Variants in CSNK1A1 observed in about 807,000 individuals in gnomAD.
CSNK1A1 encodes the protein casein kinase I isoform alpha.
CSNK1A1 carries 7 observed loss-of-function variants against 46.1 expected under a neutral mutation model. The observed-to-expected ratio is 0.15, with a 90% CI of 0.09 to 0.29. The LOEUF is 0.29. Ranked by LOEUF, CSNK1A1 falls within the 10% of genes least tolerant of loss-of-function variation. CSNK1A1 has a pLI of 1.00. For missense variants in CSNK1A1, 96 were observed against 417.1 expected (o/e 0.23, Z 6.71); for synonymous variants, 137 against 141.5 (o/e 0.97, Z 0.23).
intron 2 of CSNK1A1, among the ~76,000 whole-genome samples, chr5:149,543,534 T>TAA (rs1270180673): frequency 6.6e-6 from 1 of 152,086 alleles, no homozygotes; most frequent in Non-Finnish European, 1.5e-5. Flanking sequence ...TAATATATCT[T>TAA]AATGAAGACA....
intron 6 of CSNK1A1, 45 bp downstream of exon 6, chr5:149,511,749 T>C (rs745403913): frequency 1.5e-6 from 2 of 1,298,052 alleles, no homozygotes; most frequent in South Asian, 1.3e-5. Flanking sequence ...ATATTTTTAT[T>C]CTAAAAAAGA....
At chr5:149,547,553 G>A (rs1439463730) in intron 2 of CSNK1A1, among the ~76,000 whole-genome samples, 1 of 152,098 alleles carries the variant, frequency 6.6e-6, no homozygotes, top group Non-Finnish European at 1.5e-5. Context: ...TATGTTAAGT[G>A]AAAAGTGCCA....
In CSNK1A1 at chr5:149,507,061, T is replaced by C. The variant is rs1181536978; in HGVS notation, c.823A>G (p.Met275Val). 1 of 1,613,870 alleles carries C rather than the reference T, an allele frequency of 6.2e-7. No individual in the cohort carries two copies. The change falls in exon 8 of 10, where the codon ATG becomes GTG. Residue 275 changes from methionine (M) to valine (V), a missense_variant. By Grantham distance (21) the Met-to-Val change is conservative. Coordinates refer to ENST00000377843, the MANE Select transcript of CSNK1A1 (RefSeq NM_001892.6). Reference sequence around the variant, plus strand: ...ATGCGGAATAGCTGCCTCAGATACATGTAATCTGGGGCTTCCTCAAAGCGT... The same window carrying C: ...ATGCGGAATAGCTGCCTCAGATACACGTAATCTGGGGCTTCCTCAAAGCGT... ...GLRFEEAPDY[M>V]YLRQLFRILF...
chr5:149,514,299 G>A (rs1256230971), intron 4 of CSNK1A1, among the ~76,000 whole-genome samples: 2 of 152,096 alleles, frequency 1.3e-5, no homozygotes, highest in Non-Finnish European at 2.9e-5. Context: ...TGTAATTCAA[G>A]TTTACACTCC....
intron 9 of CSNK1A1, chr5:149,504,821 G>C (rs994884115): frequency 3.3e-5 from 33 of 985,212 alleles, no homozygotes; most frequent in Middle Eastern, 1.0e-3. Flanking sequence ...GCAAATAAAA[G>C]AATTATTTTT....
rs370458356 is a variant in CSNK1A1, at chr5:149,509,924, C to T, written c.705G>A (p.Lys235=). 1.4e-5 allele frequency: 22 copies of T among 1,610,222 alleles called. No homozygotes were observed. The highest frequency in any genetic ancestry group is 1.7e-5 in the Non-Finnish European group (20 of 1,177,912). Residue 235 remains lysine (K), a synonymous_variant, in exon 7 of 10, where the codon AAG becomes AAA. Transcript: ENST00000377843. The stretch of plus-strand genomic sequence containing the variant: ...GCGTGGACATCTTCTTTTCACTAAT[C>T]TTTTCATATTTTTGTTTCTTTGTTG... ...KAATKKQKYE[K]ISEKKMSTPV...
intron 9 of CSNK1A1, chr5:149,498,043 A>G (rs898990573): frequency 2.4e-6 from 2 of 828,908 alleles, no homozygotes; most frequent in Non-Finnish European, 2.9e-6. Flanking sequence ...TGTGTTGGCC[A>G]GGCTGGTCTC....
chr5:149,536,818 T>C (rs906598687), intron 2 of CSNK1A1, among the ~76,000 whole-genome samples: 3 of 152,148 alleles, frequency 2.0e-5, no homozygotes, highest in Non-Finnish European at 2.9e-5. Flanking sequence ...GGTTTAAGAA[T>C]GGGAAGCTGG....
chr5:149,547,342 A>G (rs981656803), intron 2 of CSNK1A1, among the ~76,000 whole-genome samples: 2 of 152,252 alleles, frequency 1.3e-5, no homozygotes, highest in Non-Finnish European at 2.9e-5. Flanking sequence ...GTGCTTATTC[A>G]GTACATTACT....
chr5:149,501,730 C>T (rs1760863046), intron 9 of CSNK1A1: 1 of 985,382 alleles, frequency 1.0e-6, no homozygotes, highest in Non-Finnish European at 1.2e-6. Flanking sequence ...TTCTCCCCCA[C>T]CTCTGCCTGC....
intron 3 of CSNK1A1, 69 bp downstream of exon 3, chr5:149,524,976 T>A: frequency 7.1e-7 from 1 of 1,406,140 alleles, no homozygotes; most frequent in Non-Finnish European, 9.6e-7. Flanking sequence ...AATACTCTGA[T>A]TTATGAATAA....
At chr5:149,537,357 C>A (rs1003842800) in intron 2 of CSNK1A1, among the ~76,000 whole-genome samples, 4 of 152,196 alleles carry the variant, frequency 2.6e-5, no homozygotes, top group African/African-American at 9.7e-5. Context: ...GCCTGAGCGA[C>A]AGAGTGAGAC....
In CSNK1A1 at chr5:149,516,284, TCTACACTCC is replaced by T. The variant is rs1389360867; in HGVS notation, c.457-3084_457-3076del. Among the ~76,000 whole-genome samples, 33 of 152,060 alleles carry T rather than the reference TCTACACTCC, an allele frequency of 2.2e-4. 1 individual carries two copies. Among genetic ancestry groups the T allele is most frequent in the African/African-American group, 6.8e-4 (28 of 41,474 alleles). ...GTGGGCCAAGATCGCACCACTGCAC[TCTACACTCC>T]TGCCTGGGCAACAGAGTGAAACCCC... On this transcript the variant is annotated intron_variant, in intron 4 of 9. Transcript: ENST00000377843.
At chr5:149,527,660 C>T (rs1443843088) in intron 2 of CSNK1A1, among the ~76,000 whole-genome samples, 1 of 152,096 alleles carries the variant, frequency 6.6e-6, no homozygotes, top group Non-Finnish European at 1.5e-5. Context: ...ATTTTATTTT[C>T]TTTTGTTATT....
chr5:149,531,836 CAAAA>C (rs201068827), intron 2 of CSNK1A1, among the ~76,000 whole-genome samples: 1 of 124,080 alleles, frequency 8.1e-6, no homozygotes, highest in African/African-American at 3.0e-5. Flanking sequence ...GACTCCATCT[CAAAA>C]AAAAAAAAAA....
intron 9 of CSNK1A1, chr5:149,504,725 A>G: frequency 1.0e-6 from 1 of 985,370 alleles, no homozygotes; most frequent in South Asian, 4.7e-5. Flanking sequence ...TCCACATTAA[A>G]CCCTGGGAGC....
intron 2 of CSNK1A1, among the ~76,000 whole-genome samples, chr5:149,534,609 T>TA (rs1762005677): frequency 6.6e-6 from 1 of 151,714 alleles, no homozygotes; most frequent in African/African-American, 2.4e-5. Context: ...GTTACCCCTC[T>TA]ATGGTTTTAC....
Position 149,550,259 on chromosome 5 carries a change from C to T in CSNK1A1, c.124-78G>A, listed in dbSNP as rs1478247120. The T allele has an allele frequency of 2.0e-6, 3 of 1,538,086 alleles. No homozygotes were observed. The highest frequency in any genetic ancestry group is 1.2e-5 in the South Asian group (1 of 82,350). ...ACTTAGGAAAGGAGGGAGACATTAG[C>T]AAAACTCCAAGTCGCGACTACAAGA... On this transcript the variant is annotated intron_variant, in intron 1 of 9. Transcript: ENST00000377843. This position sits in a 1 kb window ranked among gnomAD's most constrained non-coding sequence, Gnocchi z 4.3.
intron 2 of CSNK1A1, among the ~76,000 whole-genome samples, chr5:149,536,112 CCTGA>C (rs1172057869): frequency 2.6e-5 from 4 of 152,170 alleles, no homozygotes; most frequent in South Asian, 2.1e-4. Flanking sequence ...CGCCACCACG[CCTGA>C]CTAATTTTGT....
Sources: allele counts gnomAD v4.1 joint callset (sites outside exome capture counted in the v4.1 genomes callset), GRCh38; gene constraint gnomAD v4.1.1; non-coding constraint Gnocchi (gnomAD v3.1); transcripts MANE v1.5; gene names NCBI Gene and HGNC (gene_info 2026-07-23, HGNC 2026-07-21).